The following CDKL5 variants were observed in gnomAD, a reference collection of about 807,000 sequenced individuals.
CDKL5 encodes the protein cyclin-dependent kinase-like 5.
Under a neutral mutation model 61.7 loss-of-function variants are expected in CDKL5, and 8 were observed. That is an observed-to-expected ratio of 0.13 (90% confidence interval 0.08 to 0.23). The LOEUF is 0.23. Ranked by LOEUF, CDKL5 falls within the 10% of genes least tolerant of loss-of-function variation. The pLI, the probability that CDKL5 is intolerant of heterozygous loss-of-function variation, is 1.00. For missense variants in CDKL5, 440 were observed against 734.5 expected (o/e 0.60, Z 4.63); for synonymous variants, 275 against 272.3 (o/e 1.01, Z -0.10).
chrX:18,545,236 A>AAAT (rs1038183054), intron 3 of CDKL5, among the ~76,000 whole-genome samples: 3 of 110,799 alleles, frequency 2.7e-5, no homozygotes, highest in Non-Finnish European at 3.8e-5. Context: ...ACTCTGTCTC[A>AAAT]AATAATAATA....
intron 3 of CDKL5, among the ~76,000 whole-genome samples, chrX:18,551,804 G>T (rs2147122780): frequency 9.3e-6 from 1 of 107,446 alleles, no homozygotes; most frequent in South Asian, 4.2e-4. Context: ...TGTTGCCCAG[G>T]CTAGTATTGA....
chrX:18,560,510 C>T (rs1413388502), intron 3 of CDKL5, among the ~76,000 whole-genome samples: 1 of 111,650 alleles, frequency 9.0e-6, no homozygotes, highest in East Asian at 2.8e-4. Context: ...TTAGCACTTT[C>T]GAACTGATTA....
Position 18,634,872 on chromosome X carries a change from G to A in CDKL5, c.*6115G>A, listed in dbSNP as rs1927339692. On this transcript the variant is annotated 3_prime_UTR_variant, in exon 18 of 18. Transcript: ENST00000623535. ...AGCTTCTTCAATCTCTAGTAAGCTT[G>A]AAGGTGGTGTCTGGGAAGACACAGG... The A allele has an allele frequency of 1.3e-6, 1 of 751,061 alleles. No individual in the cohort carries two copies. Among genetic ancestry groups the A allele is most frequent in the South Asian group, 6.8e-5 (1 of 14,627 alleles). 61.9% of individuals were successfully genotyped at this position (751,061 alleles called of 1,213,427 possible).
At chrX:18,642,590 C>G (rs899723117), downstream of CDKL5, among the ~76,000 whole-genome samples, 1 of 111,920 alleles carries the variant, frequency 8.9e-6, no homozygotes, top group African/African-American at 3.3e-5. Context: ...TGAAAAGGCC[C>G]ACATCACACT....
intron 1 of CDKL5, among the ~76,000 whole-genome samples, chrX:18,504,804 G>A (rs922108336): frequency 9.1e-6 from 1 of 109,675 alleles, no homozygotes; most frequent in South Asian, 4.0e-4. Context: ...ATGGTGGCGC[G>A]TGCCTGTAGT....
chrX:18,497,858 G>C (rs1922235966), intron 1 of CDKL5, among the ~76,000 whole-genome samples: 2 of 107,354 alleles, frequency 1.9e-5, no homozygotes, highest in South Asian at 8.4e-4. Context: ...TGTCACCCCG[G>C]CAGTGCACAG....
At chrX:18,651,220 AGTGTGTGTGTGTGTGTGTGTGTGTGT>A (rs3838188) in intron 21 of CDKL5, among the ~76,000 whole-genome samples, 4 of 65,192 alleles carry the variant, frequency 6.1e-5, no homozygotes, top group African/African-American at 2.5e-4. Flanking sequence ...GGCAGGAGCA[AGTGTGTGTGTGTGTGTGTGTGTGTGT>A]GTGTGTGTGT....
intron 3 of CDKL5, among the ~76,000 whole-genome samples, chrX:18,555,692 AT>A (rs1388465970): frequency 8.9e-6 from 1 of 112,183 alleles, no homozygotes; most frequent in African/African-American, 3.2e-5. Flanking sequence ...TTTGTCATGC[AT>A]TTTTAACTTA....
At chrX:18,510,111 G>C (rs1008664708) in intron 2 of CDKL5, among the ~76,000 whole-genome samples, 1 of 110,383 alleles carries the variant, frequency 9.1e-6, no homozygotes, top group African/African-American at 3.3e-5. Flanking sequence ...CTCTGTGCTT[G>C]AGCTTACTAC....
chrX:18,604,341 A>C lies in CDKL5; in HGVS notation c.1417A>C (p.Ile473Leu). The C allele has an allele frequency of 1.7e-6, 2 of 1,209,673 alleles. No homozygotes were observed. The highest frequency in any genetic ancestry group is 2.2e-6 in the Non-Finnish European group (2 of 894,165). Residue 473 changes from isoleucine (I) to leucine (L), a missense_variant, in exon 12 of 18, where the codon ATT (isoleucine) becomes CTT (leucine). Transcript: ENST00000623535. Reference protein sequence around the residue: ...KQSRHSYIDTIPQSSRSPSYR... With the variant: ...KQSRHSYIDTLPQSSRSPSYR... ...GAGTCGGCATAGCTATATTGACACA[A>C]TTCCCCAGTCCTCTAGGAGTCCCTC...
intron 14 of CDKL5, 74 bp from the exon 15 acceptor site, chrX:18,613,078 G>A (rs1926607086): frequency 1.2e-5 from 11 of 949,006 alleles, no homozygotes; most frequent in Non-Finnish European, 1.5e-5. Context: ...CTGGGTGACA[G>A]AGCGAGACTC....
In CDKL5 at chrX:18,628,943, A is replaced by G; in HGVS notation, c.*186A>G. 9.6e-7 allele frequency: 1 copy of G among 1,046,669 alleles called. No homozygotes were observed. The highest frequency in any genetic ancestry group is 1.2e-6 in the Non-Finnish European group (1 of 820,559). 86.3% of individuals were successfully genotyped at this position (1,046,669 alleles called of 1,213,427 possible). On this transcript the variant is annotated 3_prime_UTR_variant, in exon 18 of 18. Coordinates refer to ENST00000623535, the MANE Select transcript of CDKL5 (RefSeq NM_001323289.2). The stretch of plus-strand genomic sequence containing the variant: ...TCGCGGCCACAAATGCTAGTCAGGG[A>G]TCTTAGAGCCACAGGAGTTCCTTAG...
At chrX:18,653,347 TG>T in intron 21 of CDKL5, 1 of 1,173,456 alleles carries the variant, frequency 8.5e-7, no homozygotes, top group Non-Finnish European at 1.1e-6. Context: ...TTCTGCTCCG[TG>T]GGGGGCCCGG....
intron 10 of CDKL5, among the ~76,000 whole-genome samples, chrX:18,595,642 A>T (rs1925967797): frequency 8.9e-6 from 1 of 111,880 alleles, no homozygotes; most frequent in South Asian, 3.8e-4. Context: ...GAATCATGAG[A>T]CCCCTAAATG....
At chrX:18,458,796 C>T (rs893888304) in intron 1 of CDKL5, among the ~76,000 whole-genome samples, 11 of 112,574 alleles carry the variant, frequency 9.8e-5, no homozygotes, top group African/African-American at 3.5e-4. Context: ...CCAATAGCCA[C>T]ATTTGACTAG....
chrX:18,491,294 TA>T (rs1289248735), intron 1 of CDKL5, among the ~76,000 whole-genome samples: 5 of 112,094 alleles, frequency 4.5e-5, no homozygotes, highest in Non-Finnish European at 7.5e-5. Flanking sequence ...TCCTAGTGTT[TA>T]GAATTAAATT....
At chrX:18,456,845 C>T (rs1394955215) in intron 1 of CDKL5, among the ~76,000 whole-genome samples, 1 of 111,314 alleles carries the variant, frequency 9.0e-6, no homozygotes, top group Non-Finnish European at 1.9e-5. Context: ...TGCTTTTGGC[C>T]ATTTTCCTCT....
intron 2 of CDKL5, among the ~76,000 whole-genome samples, chrX:18,508,268 T>C (rs1922657073): frequency 8.9e-6 from 1 of 112,558 alleles, no homozygotes; most frequent in Non-Finnish European, 1.9e-5. Context: ...AAAGCTGTTA[T>C]TAAGTTTTAA....
intron 1 of CDKL5, among the ~76,000 whole-genome samples, chrX:18,448,285 T>A (rs1434342228): frequency 9.0e-6 from 1 of 111,662 alleles, no homozygotes; most frequent in Non-Finnish European, 1.9e-5. Context: ...ATGATTTAGG[T>A]CATATCACCT....
Sources: gnomAD v4.1 joint callset for allele counts (sites outside exome capture counted in the v4.1 genomes callset) on GRCh38, gnomAD v4.1.1 for gene constraint, MANE v1.5 for transcripts, NCBI Gene and HGNC (gene_info 2026-07-23, HGNC 2026-07-21) for gene names.